The following SYT1 variants were observed in gnomAD, a reference collection of about 807,000 sequenced individuals.
SYT1 encodes the protein synaptotagmin 1.
SYT1 carries 8 observed loss-of-function variants against 44.8 expected under a neutral mutation model. The ratio of observed to expected loss-of-function variants is 0.18; its 90% CI spans 0.10 to 0.32. The LOEUF (loss-of-function observed/expected upper bound fraction) is 0.32. Ranked by LOEUF, SYT1 falls within the 10% of genes least tolerant of loss-of-function variation. SYT1 has a pLI of 1.00. For missense variants in SYT1, 286 were observed against 509.3 expected (o/e 0.56, Z 4.22); for synonymous variants, 154 against 188.8 (o/e 0.82, Z 1.51).
chr12:78,940,863 G>A (rs748702150), intron 1 of SYT1, among the ~76,000 whole-genome samples: 1 of 152,052 alleles, frequency 6.6e-6, no homozygotes, highest in Non-Finnish European at 1.5e-5. Context: ...TGTCGAGTTA[G>A]ATTAGTGGAC....
intron 1 of SYT1, among the ~76,000 whole-genome samples, chr12:78,902,930 G>A (rs1210545637): frequency 2.6e-5 from 4 of 152,088 alleles, no homozygotes; most frequent in Non-Finnish European, 5.9e-5. Flanking sequence ...GTGAGATTAT[G>A]TACTAAAGCA....
At chr12:79,284,575 C>T (rs1026151721) in intron 4 of SYT1, among the ~76,000 whole-genome samples, 4 of 152,040 alleles carry the variant, frequency 2.6e-5, no homozygotes, top group Non-Finnish European at 4.4e-5. Context: ...TGGTGGTTCA[C>T]GCCTGTAATC....
chr12:79,212,073 G>A (rs1874492141), intron 3 of SYT1, among the ~76,000 whole-genome samples: 1 of 152,076 alleles, frequency 6.6e-6, no homozygotes, highest in Admixed American at 6.6e-5. Flanking sequence ...AAAATTGTTT[G>A]TGCTGCTATT....
At chr12:78,968,966 G>A (rs1868313345) in intron 1 of SYT1, among the ~76,000 whole-genome samples, 1 of 152,170 alleles carries the variant, frequency 6.6e-6, no homozygotes, top group South Asian at 2.1e-4. Flanking sequence ...CTATAATCAT[G>A]TAGTGATAAG....
chr12:79,115,216 A>G (rs1004639795), intron 3 of SYT1, among the ~76,000 whole-genome samples: 1 of 152,200 alleles, frequency 6.6e-6, no homozygotes, highest in East Asian at 1.9e-4. Context: ...AGTTTCAAAA[A>G]CATGTCTAGT....
At chr12:79,026,531 C>A (rs573501902) in intron 2 of SYT1, among the ~76,000 whole-genome samples, 58 of 150,676 alleles carry the variant, frequency 3.8e-4, no homozygotes, top group African/African-American at 1.3e-3. Flanking sequence ...ATTGGAATCA[C>A]GTGGTTTATT....
rs531497543 is a variant in SYT1, at chr12:79,220,313, T to C, written c.166+2628T>C. On this transcript the variant is annotated intron_variant, in intron 4 of 10. Transcript: ENST00000261205. ...TTATTTGAGTCTTCTCTCTTTTTTC[T>C]CTTAGCTAGGCTTGCTAAAGGTTTG... is the stretch of plus-strand genomic sequence containing the variant. Among the ~76,000 whole-genome samples the C allele has an allele frequency of 2.0e-5, 3 of 152,142 alleles. No homozygotes were observed. The South Asian group carries it at 6.2e-4, about 31-fold the overall frequency.
chr12:79,044,008 A>AT (rs1367008285), intron 2 of SYT1, among the ~76,000 whole-genome samples: 2 of 151,776 alleles, frequency 1.3e-5, no homozygotes, highest in South Asian at 2.1e-4. Flanking sequence ...TGTTAGTCTG[A>AT]TGGGCTTCCC....
At chr12:79,205,016 G>A (rs190631952) in intron 3 of SYT1, among the ~76,000 whole-genome samples, 162 of 143,834 alleles carry the variant, frequency 1.1e-3, no homozygotes, top group Middle Eastern at 7.3e-3. Context: ...CCAGGCTGGA[G>A]TGCAGTGGTG....
At chr12:79,309,269 T>C (rs1288029732) in intron 8 of SYT1, among the ~76,000 whole-genome samples, 2 of 152,202 alleles carry the variant, frequency 1.3e-5, no homozygotes, top group Non-Finnish European at 2.9e-5. Flanking sequence ...AAGAGTCCAA[T>C]GTAGGATTTT....
intron 9 of SYT1, among the ~76,000 whole-genome samples, chr12:79,433,207 A>T (rs1001060933): frequency 2.0e-5 from 3 of 152,206 alleles, no homozygotes; most frequent in African/African-American, 7.2e-5. Flanking sequence ...GAGTTAATGA[A>T]AGTAAAATTG....
chr12:79,009,256 T>C (rs1871275915), intron 2 of SYT1, among the ~76,000 whole-genome samples: 1 of 152,186 alleles, frequency 6.6e-6, no homozygotes, highest in Non-Finnish European at 1.5e-5. Context: ...CACTAATACT[T>C]TAAATCTTAG....
chr12:79,057,020 CTTG>C, intron 3 of SYT1, among the ~76,000 whole-genome samples: 1 of 152,110 alleles, frequency 6.6e-6, no homozygotes, highest in East Asian at 1.9e-4. Flanking sequence ...AATGTAAAAT[CTTG>C]TTATGCCTCT....
intron 5 of SYT1, among the ~76,000 whole-genome samples, chr12:79,288,631 A>G (rs562881663): frequency 2.0e-5 from 3 of 152,314 alleles, no homozygotes; most frequent in South Asian, 2.1e-4. Flanking sequence ...TATGTTGCAT[A>G]AGATATATAT....
chr12:79,442,652 A>G (rs993314057), intron 9 of SYT1, among the ~76,000 whole-genome samples: 43 of 152,172 alleles, frequency 2.8e-4, no homozygotes, highest in African/African-American at 9.7e-4. Context: ...TGTTTTAGCA[A>G]ATTCAAATAG....
At chr12:79,309,510 A>C (rs1880655192) in intron 8 of SYT1, among the ~76,000 whole-genome samples, 1 of 152,182 alleles carries the variant, frequency 6.6e-6, no homozygotes, top group African/African-American at 2.4e-5. Flanking sequence ...TCTGAGAGTA[A>C]AGTTTGAGTT....
intron 1 of SYT1, among the ~76,000 whole-genome samples, chr12:78,874,052 G>T (rs528947161): frequency 2.0e-5 from 3 of 151,460 alleles, no homozygotes; most frequent in Non-Finnish European, 3.0e-5. Flanking sequence ...AATGAATACA[G>T]GTATTCATAT....
intron 4 of SYT1, among the ~76,000 whole-genome samples, chr12:79,283,126 G>C (rs1330149036): frequency 6.6e-6 from 1 of 152,036 alleles, no homozygotes; most frequent in Non-Finnish European, 1.5e-5. Context: ...TGACTAATGA[G>C]TGAAGCTATC....
intron 8 of SYT1, among the ~76,000 whole-genome samples, chr12:79,305,607 A>G (rs577173398): frequency 2.6e-5 from 4 of 152,210 alleles, no homozygotes; most frequent in Non-Finnish European, 5.9e-5. Context: ...CAGGGAAGGA[A>G]GGGAACTGAG....
Sources: allele counts gnomAD v4.1 joint callset (sites outside exome capture counted in the v4.1 genomes callset), GRCh38; gene constraint gnomAD v4.1.1; transcripts MANE v1.5; gene names NCBI Gene and HGNC (gene_info 2026-07-23, HGNC 2026-07-21).